Variants in AGBL1 observed in about 807,000 individuals in gnomAD.
AGBL1 encodes cytosolic carboxypeptidase 4.
In AGBL1, 130 loss-of-function variants were observed where a neutral mutation model predicts 118.9. The observed-to-expected ratio is 1.09, with a 90% confidence interval of 0.95 to 1.26. The LOEUF is 1.26. AGBL1 is among the 50% of genes most tolerant of loss of function. AGBL1 has a pLI of 0.00. For synonymous variants in AGBL1, 555 were observed against 478.9 expected, an observed-to-expected ratio of 1.16 and a Z score of -2.08; for missense variants, 1,584 against 1,298.1, an observed-to-expected ratio of 1.22 and a Z score of -3.38.
intron 23 of AGBL1, among the ~76,000 whole-genome samples, chr15:86,930,740 A>G (rs1220559302): frequency 3.9e-5 from 6 of 152,272 alleles, no homozygotes; most frequent in Non-Finnish European, 7.3e-5. Flanking sequence ...TAGATCAGGG[A>G]TCCCTCTTAG....
intron 17 of AGBL1, among the ~76,000 whole-genome samples, chr15:86,389,884 A>G (rs1258321270): frequency 1.3e-5 from 2 of 152,140 alleles, no homozygotes; most frequent in South Asian, 4.1e-4. Flanking sequence ...GGACAAATGG[A>G]GAGCAAATAT....
At chr15:86,431,449 A>G (rs1596106536) in intron 18 of AGBL1, among the ~76,000 whole-genome samples, 2 of 152,180 alleles carry the variant, frequency 1.3e-5, no homozygotes, top group Admixed American at 6.5e-5. Context: ...TACCATATAC[A>G]TTTCCGAGTA....
At chr15:86,146,515 AG>A (rs1221218789) in intron 3 of AGBL1, among the ~76,000 whole-genome samples, 1 of 152,196 alleles carries the variant, frequency 6.6e-6, no homozygotes, top group Non-Finnish European at 1.5e-5. Flanking sequence ...GGGTGCTGTG[AG>A]GATTAAACAA....
chr15:86,830,327 A>G (rs1466376368), intron 22 of AGBL1, among the ~76,000 whole-genome samples: 2 of 152,130 alleles, frequency 1.3e-5, no homozygotes, highest in African/African-American at 4.8e-5. Flanking sequence ...TCTAACTTCT[A>G]TCACCATGTA....
At position 86,907,892 on chromosome 15, in the gene AGBL1, G is replaced by A. The variant is rs1489402823; in HGVS notation, c.*598G>A. On this transcript the variant is annotated 3_prime_UTR_variant, in exon 23 of 23. Transcript: ENST00000614907. ...CTCAAGCAGCATATATTTTACATAT[G>A]TGGTACAGGCCAGAAGCTGCACTAG... The A allele has an allele frequency of 4.6e-5, 7 of 152,300 alleles. No homozygotes were observed. The highest frequency in any genetic ancestry group is 5.9e-5 in the Non-Finnish European group (4 of 68,040). The allele number at this position is 152,300 out of a possible 1,614,324, so 9.4% of individuals were successfully genotyped here.
intron 23 of AGBL1, among the ~76,000 whole-genome samples, chr15:86,948,036 G>A (rs1313696059): frequency 6.6e-6 from 1 of 152,102 alleles, no homozygotes; most frequent in Non-Finnish European, 1.5e-5. Flanking sequence ...ATGAAAGAGA[G>A]CCTTTCAATT....
chr15:86,498,564 A>T (rs1427384858), intron 18 of AGBL1, among the ~76,000 whole-genome samples: 1 of 151,958 alleles, frequency 6.6e-6, no homozygotes, highest in Non-Finnish European at 1.5e-5. Context: ...TGACATTATG[A>T]GTAGATGGAA....
intron 21 of AGBL1, among the ~76,000 whole-genome samples, chr15:86,594,487 C>A (rs903454184): frequency 1.3e-5 from 2 of 152,088 alleles, no homozygotes; most frequent in African/African-American, 4.8e-5. Flanking sequence ...TAATTCATCT[C>A]TGAAATATTT....
chr15:86,462,808 CCACATTTT>C (rs1394910294), intron 18 of AGBL1, among the ~76,000 whole-genome samples: 10 of 152,106 alleles, frequency 6.6e-5, no homozygotes, highest in African/African-American at 2.2e-4. Context: ...TGTATATGCA[CCACATTTT>C]CACATTTTCT....
chr15:86,803,047 C>G (rs909998202), intron 22 of AGBL1, among the ~76,000 whole-genome samples: 1 of 151,962 alleles, frequency 6.6e-6, no homozygotes, highest in African/African-American at 2.4e-5. Flanking sequence ...TTGTATTTAC[C>G]TTGTTGGAAA....
At chr15:86,925,333 C>T (rs1027982839) in intron 23 of AGBL1, among the ~76,000 whole-genome samples, 1 of 152,076 alleles carries the variant, frequency 6.6e-6, no homozygotes, top group Non-Finnish European at 1.5e-5. Context: ...CTTAGAAGTT[C>T]ATAAATCATG....
At chr15:86,797,534 G>T (rs2078590281) in intron 22 of AGBL1, among the ~76,000 whole-genome samples, 2 of 152,294 alleles carry the variant, frequency 1.3e-5, no homozygotes, top group South Asian at 2.1e-4. Flanking sequence ...ATTGCTGATA[G>T]CTCTCTCCCT....
chr15:86,356,958 C>T (rs1212815703), intron 17 of AGBL1, among the ~76,000 whole-genome samples: 1 of 152,216 alleles, frequency 6.6e-6, no homozygotes, highest in Non-Finnish European at 1.5e-5. Context: ...AGTTCTAAAA[C>T]AATTCTATTC....
At position 86,247,835 on chromosome 15, in the gene AGBL1, T is replaced by A. The variant is rs953010613; in HGVS notation, c.691T>A (p.Phe231Ile). ...IAALRSGREA[F>I]LAAQGMEILF... Reference sequence around the variant, plus strand: ...TGCCCTCCGGTCCGGCAGGGAGGCCTTCCTGGCAGCACAGGGCATGGAGAT... The same window carrying A: ...TGCCCTCCGGTCCGGCAGGGAGGCCATCCTGGCAGCACAGGGCATGGAGAT... The change falls in exon 7 of 23, where the codon TTC (phenylalanine) becomes ATC (isoleucine). Residue 231 changes from phenylalanine to isoleucine, a missense_variant. By Grantham distance (21) the Phe-to-Ile change is conservative. Coordinates refer to ENST00000614907, the MANE Select transcript of AGBL1 (RefSeq NM_001386094.1). The A allele has an allele frequency of 6.2e-7, 1 of 1,613,826 alleles. No individual in the cohort carries two copies. The highest frequency in any genetic ancestry group is 1.3e-5 in the African/African-American group (1 of 74,924).
chr15:86,374,012 G>A (rs925237480), intron 17 of AGBL1, among the ~76,000 whole-genome samples: 1 of 152,148 alleles, frequency 6.6e-6, no homozygotes, highest in African/African-American at 2.4e-5. Context: ...AAAGTTGACC[G>A]TCATACAGAG....
chr15:86,846,913 A>T (rs1402042236), intron 22 of AGBL1, among the ~76,000 whole-genome samples: 1 of 152,040 alleles, frequency 6.6e-6, no homozygotes, highest in Non-Finnish European at 1.5e-5. Flanking sequence ...AGTCTTCTAA[A>T]ATGTATGTAT....
intron 22 of AGBL1, among the ~76,000 whole-genome samples, chr15:86,776,697 C>T (rs1035461108): frequency 7.0e-6 from 1 of 143,822 alleles, no homozygotes. Context: ...GGATAGCATT[C>T]CTGATTCATA....
At chr15:86,471,166 T>C (rs888391167) in intron 18 of AGBL1, among the ~76,000 whole-genome samples, 11 of 152,324 alleles carry the variant, frequency 7.2e-5, no homozygotes, top group Admixed American at 1.3e-4. Flanking sequence ...GGGATTGACA[T>C]AAATGGCCTT....
intron 21 of AGBL1, among the ~76,000 whole-genome samples, chr15:86,590,267 G>A (rs1401878608): frequency 6.6e-6 from 1 of 152,154 alleles, no homozygotes; most frequent in Non-Finnish European, 1.5e-5. Flanking sequence ...TTGAATTATA[G>A]TTCCCATAAT....
Sources: gnomAD v4.1 joint callset for allele counts (sites outside exome capture counted in the v4.1 genomes callset) on GRCh38, gnomAD v4.1.1 for gene constraint, MANE v1.5 for transcripts, NCBI Gene and HGNC (gene_info 2026-07-23, HGNC 2026-07-21) for gene names.